The following RFX1 variants were observed in gnomAD, a reference collection of about 807,000 sequenced individuals.
The protein encoded by RFX1 is MHC class II regulatory factor RFX1.
A neutral mutation model predicts 119.6 loss-of-function variants in RFX1; 42 were observed. The ratio of observed to expected loss-of-function variants is 0.35; its 90% CI spans 0.27 to 0.45. The LOEUF is 0.45. RFX1 is among the 20% of genes least tolerant of loss of function. The pLI is 1.00. For missense variants in RFX1, 1,118 were observed against 1,368.1 expected (o/e 0.82, Z 2.88); for synonymous variants, 628 against 618.5 (o/e 1.02, Z -0.23).
At position 13,980,756 on chromosome 19, in the gene RFX1, A is replaced by ATCCTCT. The variant is rs1974404617; in HGVS notation, c.622-68_622-67insAGAGGA. 76 of 933,588 alleles carry ATCCTCT rather than the reference A, an allele frequency of 8.1e-5. No homozygotes were observed. The highest frequency in any genetic ancestry group is 1.1e-4 in the Non-Finnish European group (65 of 611,892). The allele number at this position is 933,588 out of a possible 1,614,324, so 57.8% of individuals were successfully genotyped here. Reference sequence around the variant, plus strand: ...TGCATCCTCTCTGAGGTGGGCTCACACACACACCCTTCTCAGGAGAGCTGT... The same window carrying ATCCTCT: ...TGCATCCTCTCTGAGGTGGGCTCACATCCTCTCACACACCCTTCTCAGGAGAGCTGT... On this transcript the variant is annotated intron_variant, in intron 5 of 20. Coordinates refer to ENST00000254325, the MANE Select transcript of RFX1 (RefSeq NM_002918.5). The surrounding 1 kb of genome is among the most constrained non-coding windows in gnomAD (Gnocchi z 5.1).
Position 13,969,660 on chromosome 19 carries a change from C to CAA in RFX1, c.1496+332_1496+333dup, listed in dbSNP as rs752441047. 203 of 148,360 alleles carry CAA rather than the reference C, an allele frequency of 1.4e-3. No individual in the cohort carries two copies. The highest frequency in any genetic ancestry group is 2.3e-3 in the East Asian group (17 of 7,278). The allele number at this position is 148,360 out of a possible 1,614,324, so 9.2% of individuals were successfully genotyped here. A position where few individuals can be genotyped will look rare whatever the true frequency, so the allele number is the denominator to read the frequency against. On this transcript the variant is annotated intron_variant, in intron 10 of 20. Transcript: ENST00000254325. The surrounding 1 kb of genome is among the most constrained non-coding windows in gnomAD (Gnocchi z 4.5). ...GGCCACAGAGTGAGACTCTTGTCTC[C>CAA]AAAAAAAAAAAAAAGTCACGTGTGA...
chr19:13,974,594 AG>A (rs1385031198), intron 8 of RFX1, among the ~76,000 whole-genome samples: 2 of 152,286 alleles, frequency 1.3e-5, no homozygotes, highest in East Asian at 3.9e-4. Context: ...ACCGAACAAT[AG>A]GGAAGAATGC....
At position 13,986,198 on chromosome 19, in the gene RFX1, C is replaced by T. The variant is rs1418443435; in HGVS notation, c.320-2603G>A. Among the ~76,000 whole-genome samples the T allele has an allele frequency of 4.6e-5, 7 of 152,166 alleles. No homozygotes were observed. Among genetic ancestry groups the T allele is most frequent in the African/African-American group, 1.7e-4 (7 of 41,448 alleles). On this transcript the variant is annotated intron_variant, in intron 2 of 20. Transcript: ENST00000254325. The surrounding 1 kb of genome is among the most constrained non-coding windows in gnomAD (Gnocchi z 4.2). Reference sequence around the variant, plus strand: ...GCCCAGCCTAAGGGATGGTGTCTCACCCAGGAAGCTCAAGGTGGGCAGGGA... The same window carrying T: ...GCCCAGCCTAAGGGATGGTGTCTCATCCAGGAAGCTCAAGGTGGGCAGGGA...
At position 13,983,549 on chromosome 19, in the gene RFX1, G is replaced by A. The variant is rs767485265; in HGVS notation, c.366C>T (p.Gly122=). The change falls in exon 3 of 21, where the codon GGC becomes GGT. Residue 122 remains glycine (G), a synonymous_variant. Coordinates refer to ENST00000254325, the MANE Select transcript of RFX1 (RefSeq NM_002918.5). ...GAACGCCGGTCTGGCTGGCGGTGGAGCCGGGGCTGGCCTCCGACACTGTCT... is the reference window on the plus strand; with the variant it reads ...GAACGCCGGTCTGGCTGGCGGTGGAACCGGGGCTGGCCTCCGACACTGTCT... ...ASETVSEASP[G]STASQTGVPT... is the part of the protein sequence containing the mutation. 15 of 1,610,930 alleles carry A rather than the reference G, an allele frequency of 9.3e-6. No homozygotes were observed. In the East Asian group the frequency reaches 3.1e-4, roughly 34 times the overall value.
In RFX1 at chr19:13,986,347, C is replaced by T. The variant is rs1213204634; in HGVS notation, c.320-2752G>A. Among the ~76,000 whole-genome samples, 5 of 152,194 alleles carry T rather than the reference C, an allele frequency of 3.3e-5. No homozygotes were observed. Among genetic ancestry groups the T allele is most frequent in the South Asian group, 2.1e-4 (1 of 4,832 alleles). ...GCTGTCTCCAGGAAGCAGCCTTGCC[C>T]GTCTCCTGCCTCTGGGGTAGCCCTC... On this transcript the variant is annotated intron_variant, in intron 2 of 20. Coordinates refer to ENST00000254325, the MANE Select transcript of RFX1 (RefSeq NM_002918.5). The surrounding 1 kb of genome is among the most constrained non-coding windows in gnomAD (Gnocchi z 4.2).
rs1209779318 is a variant in RFX1 at position 13,967,623 on chromosome 19, C to T, written c.1733-872G>A. ...TCCTGAGTAGCTGGGATTACAGGCA[C>T]CCGCCACCACACCCGGCTAATTTTG... is the stretch of plus-strand genomic sequence containing the variant. On this transcript the variant is annotated intron_variant, in intron 12 of 20. Transcript: ENST00000254325. Among the ~76,000 whole-genome samples, 7 of 151,942 alleles carry T rather than the reference C, an allele frequency of 4.6e-5. No individual in the cohort carries two copies. In the South Asian group the frequency reaches 1.0e-3, roughly 23 times the overall value.
chr19:13,982,278 C>G lies in RFX1; in HGVS notation c.514-50G>C, dbSNP rs368354761. On this transcript the variant is annotated intron_variant, in intron 4 of 20. Coordinates refer to ENST00000254325, the MANE Select transcript of RFX1 (RefSeq NM_002918.5). ...GGCAGATCACTGATGACAGCCCGTG[C>G]AGTTGCACCGAGCATCTGCGCAGTG... 29 of 1,077,694 alleles carry G rather than the reference C, an allele frequency of 2.7e-5. No homozygotes were observed. In the African/African-American group the frequency reaches 4.7e-4, roughly 17 times the overall value. The allele number at this position is 1,077,694 out of a possible 1,614,324, so 66.8% of individuals were successfully genotyped here.
chr19:13,980,823 G>C lies in RFX1; in HGVS notation c.622-134C>G, dbSNP rs527719076. 8.5e-6 allele frequency: 5 copies of C among 585,256 alleles called. No homozygotes were observed. Among genetic ancestry groups the C allele is most frequent in the South Asian group, 8.3e-5 (4 of 48,198 alleles). 36.3% of individuals were successfully genotyped at this position (585,256 alleles called of 1,614,324 possible). On this transcript the variant is annotated intron_variant, in intron 5 of 20. Coordinates refer to ENST00000254325, the MANE Select transcript of RFX1 (RefSeq NM_002918.5). The surrounding 1 kb of genome is among the most constrained non-coding windows in gnomAD (Gnocchi z 5.1). ...TCTGTGGGGACCTATCCCAACCACC[G>C]AGGCTGGTAACTGACCGCGTCCCAC...
At position 13,982,036 on chromosome 19, in the gene RFX1, A is replaced by G. The variant is rs548520558; in HGVS notation, c.621+85T>C. 58 of 562,116 alleles carry G rather than the reference A, an allele frequency of 1.0e-4. No individual in the cohort carries two copies. The South Asian group carries it at 4.5e-3, about 44-fold the overall frequency. 34.8% of individuals were successfully genotyped at this position (562,116 alleles called of 1,614,324 possible). On this transcript the variant is annotated intron_variant, in intron 5 of 20. Transcript: ENST00000254325. ...AGCAAGTGGGCTTGGGGGGCGGGGC[A>G]GGGAGCCCCAAATATACTATGGGGA...
intron 1 of RFX1, among the ~76,000 whole-genome samples, chr19:14,000,378 C>T (rs889659127): frequency 2.0e-5 from 3 of 152,120 alleles, no homozygotes; most frequent in Non-Finnish European, 4.4e-5. Context: ...CCCAGCTACT[C>T]AGGAGGCTTA....
At chr19:14,002,510 AAAAAG>A (rs1975250515) in intron 1 of RFX1, among the ~76,000 whole-genome samples, 1 of 152,034 alleles carries the variant, frequency 6.6e-6, no homozygotes, top group East Asian at 1.9e-4. Context: ...GAAAGAAAGA[AAAAAG>A]AAAAGAAAAC....
chr19:13,973,139 GCAAAGC>G lies in RFX1; in HGVS notation c.930-18_930-13del. ...AGGTGCTGGAACGGCTGGGAAAGAG[GCAAAGC>G]CAAGGGAGAGTCAGGGGGATGAGAA... On this transcript the variant is annotated splice_polypyrimidine_tract_variant and intron_variant, in intron 8 of 20. Coordinates refer to ENST00000254325, the MANE Select transcript of RFX1 (RefSeq NM_002918.5). 1 of 1,377,036 alleles carries G rather than the reference GCAAAGC, an allele frequency of 7.3e-7. No individual in the cohort carries two copies. Among genetic ancestry groups the G allele is most frequent in the Admixed American group, 1.9e-5 (1 of 52,830 alleles). 85.3% of individuals were successfully genotyped at this position (1,377,036 alleles called of 1,614,324 possible).
chr19:14,006,289 A>G lies in RFX1; in HGVS notation c.-239T>C, dbSNP rs1304368270. On this transcript the variant is annotated 5_prime_UTR_variant, in exon 1 of 21. Transcript: ENST00000254325. Reference sequence around the variant, plus strand: ...CTTGGTCGCCACGACTACCGTGGCTATGGCGCCTCCGTTTCCCTCACCGGG... The same window carrying G: ...CTTGGTCGCCACGACTACCGTGGCTGTGGCGCCTCCGTTTCCCTCACCGGG... The G allele has an allele frequency of 6.6e-6, 1 of 151,894 alleles. No homozygotes were observed. Among genetic ancestry groups the G allele is most frequent in the Non-Finnish European group, 1.5e-5 (1 of 67,998 alleles). 9.4% of individuals were successfully genotyped at this position (151,894 alleles called of 1,614,324 possible).
Position 13,965,438 on chromosome 19 carries a change from C to G in RFX1, c.2211+11G>C. The G allele has an allele frequency of 1.1e-5, 17 of 1,611,850 alleles. No homozygotes were observed. Among genetic ancestry groups the G allele is most frequent in the Non-Finnish European group, 1.4e-5 (17 of 1,178,198 alleles). ...CAGAGATAGGAGAAAGGGACCCCCT[C>G]ACACTCTCACCTTCACCCGCAGCAT... is the stretch of plus-strand genomic sequence containing the variant. On this transcript the variant is annotated intron_variant, in intron 16 of 20. Coordinates refer to ENST00000254325, the MANE Select transcript of RFX1 (RefSeq NM_002918.5). This position sits in a 1 kb window ranked among gnomAD's most constrained non-coding sequence, Gnocchi z 4.7.
intron 4 of RFX1, 95 bp downstream of exon 4, chr19:13,983,092 C>T: frequency 1.0e-6 from 1 of 958,726 alleles, no homozygotes; most frequent in South Asian, 1.5e-5. Flanking sequence ...CTCTTCCCTC[C>T]ATCCTGGTGA....
intron 1 of RFX1, among the ~76,000 whole-genome samples, chr19:14,001,839 A>G (rs929408513): frequency 6.6e-6 from 1 of 152,192 alleles, no homozygotes; most frequent in Non-Finnish European, 1.5e-5. Flanking sequence ...TGTCTCTACT[A>G]AAAATACAGA....
rs957621921 is a variant in RFX1 at position 13,968,595 on chromosome 19, C to T, written c.1702G>A (p.Ala568Thr). ...QPSTGLSDIS[A>T]QVQQYQQFLD... ...AATTGCTGGTACTGCTGCACCTGGG[C>T]GCTGATGTCCGACAGCCCCGTGCTC... Residue 568 changes from alanine to threonine, a missense_variant, in exon 12 of 21, where the codon GCC becomes ACC. Ala to Thr is a moderately conservative substitution (Grantham distance 58, BLOSUM62 0). Transcript: ENST00000254325. This position sits in a 1 kb window ranked among gnomAD's most constrained non-coding sequence, Gnocchi z 5.5. The T allele has an allele frequency of 2.5e-5, 40 of 1,613,256 alleles. No homozygotes were observed. The highest frequency in any genetic ancestry group is 4.0e-5 in the African/African-American group (3 of 74,944).
In RFX1 at chr19:13,962,629, C is replaced by T; in HGVS notation, c.*66G>A. 2 of 1,305,554 alleles carry T rather than the reference C, an allele frequency of 1.5e-6. No individual in the cohort carries two copies. The highest frequency in any genetic ancestry group is 2.9e-5 in the East Asian group (1 of 34,810). The allele number at this position is 1,305,554 out of a possible 1,614,324, so 80.9% of individuals were successfully genotyped here. On this transcript the variant is annotated 3_prime_UTR_variant, in exon 21 of 21. Transcript: ENST00000254325. The stretch of plus-strand genomic sequence containing the variant: ...GGCTGGAGCAGTGACCACGAAGCCA[C>T]AGAAGCTTTGAGGGACCCTGGCGTG...
Position 13,962,733 on chromosome 19 carries a change from C to T in RFX1, c.2902G>A (p.Ala968Thr), listed in dbSNP as rs1196956794. The T allele has an allele frequency of 2.6e-6, 4 of 1,530,592 alleles. No homozygotes were observed. The highest frequency in any genetic ancestry group is 2.0e-5 in the Admixed American group (1 of 50,592). 94.8% of individuals were successfully genotyped at this position (1,530,592 alleles called of 1,614,324 possible). The change falls in exon 21 of 21, where the codon GCG becomes ACG. Residue 968 changes from alanine (A) to threonine (T), a missense_variant. Coordinates refer to ENST00000254325, the MANE Select transcript of RFX1 (RefSeq NM_002918.5). ...AGCGCCTGCACGAAGAGGCCGCGCG[C>T]GTCAGTCCGCGCCAGCTTGGCCGGC... is the stretch of plus-strand genomic sequence containing the variant. The part of the protein sequence containing the change: ...EPPAKLARTD[A>T]RGLFVQALPS...
Sources: gnomAD v4.1 joint callset for allele counts (sites outside exome capture counted in the v4.1 genomes callset) on GRCh38, gnomAD v4.1.1 for gene constraint, Gnocchi (gnomAD v3.1) non-coding constraint, MANE v1.5 for transcripts, NCBI Gene and HGNC (gene_info 2026-07-23, HGNC 2026-07-21) for gene names.